Variants in MBIP observed in about 807,000 individuals in gnomAD.
The protein encoded by MBIP is MAP3K12 binding inhibitory protein 1.
A neutral mutation model predicts 45.7 loss-of-function variants in MBIP; 32 were observed. The ratio of observed to expected loss-of-function variants is 0.70; its 90% confidence interval spans 0.53 to 0.94. MBIP has a LOEUF of 0.94. MBIP is among the 40% of genes least tolerant of loss of function. The pLI, the probability that MBIP is intolerant of heterozygous loss-of-function variation, is 0.00. For synonymous variants in MBIP, 145 were observed against 141.0 expected (o/e 1.03, Z -0.20); for missense variants, 381 against 405.5 (o/e 0.94, Z 0.52).
intron 6 of MBIP, 45 bp downstream of exon 6, chr14:36,311,528 A>G: frequency 1.1e-5 from 17 of 1,532,812 alleles, no homozygotes; most frequent in Non-Finnish European, 1.5e-5. Flanking sequence ...TTTTTTAACC[A>G]TTTGCAAAGG....
At position 36,315,105 on chromosome 14, in the gene MBIP, C is replaced by A. The variant is rs149456939; in HGVS notation, c.250-190G>T. On this transcript the variant is annotated intron_variant, in intron 2 of 8. Coordinates refer to ENST00000416007, the MANE Select transcript of MBIP (RefSeq NM_016586.3). Reference sequence around the variant, plus strand: ...TACTCACTATTCTCTGCTATTGTAACCATTATCATTTGCTATAAATTTGTT... The same window carrying A: ...TACTCACTATTCTCTGCTATTGTAAACATTATCATTTGCTATAAATTTGTT... Among the ~76,000 whole-genome samples, 743 of 151,884 alleles carry A rather than the reference C, an allele frequency of 4.9e-3. 5 individuals carry two copies. Among genetic ancestry groups the A allele is most frequent in the African/African-American group, 0.016 (683 of 41,408 alleles).
At chr14:36,307,393 T>C (rs1217852446) in intron 7 of MBIP, among the ~76,000 whole-genome samples, 1 of 152,042 alleles carries the variant, frequency 6.6e-6, no homozygotes, top group Non-Finnish European at 1.5e-5. Context: ...TTAGTTCTAA[T>C]ATGGTACTGC....
chr14:36,314,981 A>G, intron 2 of MBIP, 66 bp from the exon 3 acceptor site: 1 of 902,420 alleles, frequency 1.1e-6, no homozygotes, highest in South Asian at 1.5e-5. Context: ...CACTTAATAT[A>G]TTTACATAAA....
chr14:36,315,143 A>G (rs183875466), intron 2 of MBIP, among the ~76,000 whole-genome samples: 6 of 152,216 alleles, frequency 3.9e-5, no homozygotes, highest in African/African-American at 1.2e-4. Context: ...TTAAAAAAGG[A>G]GAGAGGAAAA....
chr14:36,307,238 T>C (rs151120498), intron 7 of MBIP, among the ~76,000 whole-genome samples: 9 of 152,344 alleles, frequency 5.9e-5, no homozygotes, highest in African/African-American at 1.9e-4. Context: ...ATACTCAATC[T>C]ATAACTTTGG....
intron 4 of MBIP, 53 bp from the exon 5 acceptor site, chr14:36,312,077 T>C: frequency 2.0e-6 from 2 of 981,878 alleles, no homozygotes; most frequent in Non-Finnish European, 3.0e-6. Context: ...CCTTCAAATG[T>C]ATGAGATTTT....
chr14:36,311,359 T>G (rs1372986921), intron 6 of MBIP, among the ~76,000 whole-genome samples: 1 of 152,132 alleles, frequency 6.6e-6, no homozygotes, highest in Non-Finnish European at 1.5e-5. Flanking sequence ...AAACTTCAAT[T>G]TATTTATCTG....
intron 6 of MBIP, among the ~76,000 whole-genome samples, chr14:36,310,801 G>A (rs1196733045): frequency 6.6e-6 from 1 of 152,138 alleles, no homozygotes; most frequent in Non-Finnish European, 1.5e-5. Context: ...ACAACGAGTG[G>A]GAGATGGGAA....
chr14:36,300,639 T>C (rs1279772565), intron 8 of MBIP, 146 bp downstream of exon 8: 1 of 525,026 alleles, frequency 1.9e-6, no homozygotes, highest in East Asian at 3.2e-5. Context: ...TATTCAACTG[T>C]ATTAGTTTAT....
intron 7 of MBIP, among the ~76,000 whole-genome samples, chr14:36,306,280 G>A (rs1330667169): frequency 2.6e-5 from 4 of 151,824 alleles, no homozygotes; most frequent in Admixed American, 6.6e-5. Context: ...TTGAGACCGA[G>A]TTTTGCTCTT....
intron 7 of MBIP, chr14:36,305,276 T>C (rs1232851539): frequency 6.6e-6 from 1 of 152,162 alleles, no homozygotes; most frequent in East Asian, 1.9e-4. Flanking sequence ...TTCTTTCCCA[T>C]AGGGCTTGTG....
At chr14:36,311,860 T>C in intron 5 of MBIP, 99 bp downstream of exon 5, 1 of 1,232,258 alleles carries the variant, frequency 8.1e-7, no homozygotes, top group African/African-American at 1.5e-5. Flanking sequence ...GATGTTTTTG[T>C]TTTAAAATAA....
chr14:36,319,286 A>C (rs995647995), intron 1 of MBIP, among the ~76,000 whole-genome samples: 1 of 152,192 alleles, frequency 6.6e-6, no homozygotes, highest in South Asian at 2.1e-4. Context: ...TAAACCATTT[A>C]AACGTCTTGG....
At chr14:36,301,376 G>C (rs1486537419) in intron 7 of MBIP, among the ~76,000 whole-genome samples, 1 of 152,210 alleles carries the variant, frequency 6.6e-6, no homozygotes, top group East Asian at 1.9e-4. Context: ...ACTGAAATGG[G>C]CATGGGTCCA....
In MBIP at chr14:36,314,928, C is replaced by T; in HGVS notation, c.250-13G>A. On this transcript the variant is annotated splice_polypyrimidine_tract_variant and intron_variant, in intron 2 of 8. Transcript: ENST00000416007. ...TTGCTAAAAAAGGCTGAGAACAACA[C>T]AATTCCATCTGCTGAGGTTCAATCT... The T allele has an allele frequency of 6.5e-7, 1 of 1,545,776 alleles. No individual in the cohort carries two copies. Among genetic ancestry groups the T allele is most frequent in the South Asian group, 1.1e-5 (1 of 89,528 alleles).
Position 36,314,622 on chromosome 14 carries a change from G to T in MBIP, c.475-14C>A. 1 of 1,608,036 alleles carries T rather than the reference G, an allele frequency of 6.2e-7. No homozygotes were observed. Among genetic ancestry groups the T allele is most frequent in the Non-Finnish European group, 8.5e-7 (1 of 1,176,388 alleles). ...TCGTCTGTCAATCTACAAACAACAA[G>T]TTTTAACAGTGTAAACATAAGATTT... On this transcript the variant is annotated splice_polypyrimidine_tract_variant and intron_variant, in intron 3 of 8. Coordinates refer to ENST00000416007, the MANE Select transcript of MBIP (RefSeq NM_016586.3).
intron 7 of MBIP, among the ~76,000 whole-genome samples, chr14:36,301,427 A>G (rs1879541695): frequency 6.6e-6 from 1 of 152,202 alleles, no homozygotes; most frequent in Non-Finnish European, 1.5e-5. Context: ...CTGGAGATTA[A>G]GAGGAGAGCT....
At chr14:36,308,216 A>C in intron 6 of MBIP, 27 bp from the exon 7 acceptor site, 1 of 1,075,474 alleles carries the variant, frequency 9.3e-7, no homozygotes, top group Non-Finnish European at 1.4e-6. Flanking sequence ...AAAATCTGAG[A>C]TACTATTGAA....
Position 36,320,610 on chromosome 14 carries a change from A to C in MBIP, c.-22T>G. Reference sequence around the variant, plus strand: ...CCATGATATCTTCTCAGGCCGCCCCACCACCACCACCACCAAGATTTGCTC... The same window carrying C: ...CCATGATATCTTCTCAGGCCGCCCCCCCACCACCACCACCAAGATTTGCTC... On this transcript the variant is annotated 5_prime_UTR_variant, in exon 1 of 9. Coordinates refer to ENST00000416007, the MANE Select transcript of MBIP (RefSeq NM_016586.3). 6.9e-7 allele frequency: 1 copy of C among 1,450,692 alleles called. No homozygotes were observed. The highest frequency in any genetic ancestry group is 9.4e-7 in the Non-Finnish European group (1 of 1,061,422). The allele number at this position is 1,450,692 out of a possible 1,614,324, so 89.9% of individuals were successfully genotyped here.
Sources: allele counts gnomAD v4.1 joint callset (sites outside exome capture counted in the v4.1 genomes callset), GRCh38; gene constraint gnomAD v4.1.1; transcripts MANE v1.5; gene names NCBI Gene and HGNC (gene_info 2026-07-23, HGNC 2026-07-21).